Variants in UPF2 observed in about 807,000 individuals in gnomAD.
The protein encoded by UPF2 is regulator of nonsense transcripts 2.
A neutral mutation model predicts 141.4 loss-of-function variants in UPF2; 17 were observed. The ratio of observed to expected loss-of-function variants is 0.12; its 90% confidence interval spans 0.08 to 0.18. The LOEUF is 0.18. Among genes scored for constraint, UPF2 ranks in the 10% least tolerant of loss-of-function variants. The pLI, the probability that UPF2 is intolerant of heterozygous loss-of-function variation, is 1.00. For synonymous variants in UPF2, 540 were observed against 498.0 expected, an observed-to-expected ratio of 1.08 and a Z score of -1.12; for missense variants, 1,152 against 1,515.9, an observed-to-expected ratio of 0.76 and a Z score of 3.99.
At chr10:12,001,368 C>T (rs935781473) in intron 6 of UPF2, among the ~76,000 whole-genome samples, 2 of 151,822 alleles carry the variant, frequency 1.3e-5, no homozygotes, top group Non-Finnish European at 1.5e-5. Context: ...GAGCCAAGAT[C>T]GTACCATTGC....
At chr10:11,995,941 C>T (rs1227789997) in intron 8 of UPF2, among the ~76,000 whole-genome samples, 2 of 152,142 alleles carry the variant, frequency 1.3e-5, no homozygotes, top group Non-Finnish European at 2.9e-5. Flanking sequence ...ATTAAATGAC[C>T]CTTGTTCCAG....
Position 12,029,350 on chromosome 10 carries a change from A to C in UPF2, c.540T>G (p.Thr180=). The C allele has an allele frequency of 6.2e-7, 1 of 1,614,168 alleles. No individual in the cohort carries two copies. The highest frequency in any genetic ancestry group is 8.5e-7 in the Non-Finnish European group (1 of 1,180,030). The part of the protein sequence containing the change: ...KNTAFVKKLK[T]ITEQQRDSLS... The stretch of plus-strand genomic sequence containing the variant: ...AGGAGTCTCTCTGTTGTTCTGTAAT[A>C]GTTTTTAGTTTCTTGACAAAAGCAG... The change falls in exon 3 of 22, where the codon ACT becomes ACG. Residue 180 remains threonine (T), a synonymous_variant. Coordinates refer to ENST00000357604, the MANE Select transcript of UPF2 (RefSeq NM_015542.4).
chr10:11,985,001 C>G (rs987656705), intron 8 of UPF2, among the ~76,000 whole-genome samples: 1 of 152,216 alleles, frequency 6.6e-6, no homozygotes, highest in African/African-American at 2.4e-5. Context: ...GCGTGAGCCA[C>G]CGCGCCCGGT....
At chr10:11,933,827 T>A (rs751595429) in intron 19 of UPF2, among the ~76,000 whole-genome samples, 1 of 152,244 alleles carries the variant, frequency 6.6e-6, no homozygotes, top group Non-Finnish European at 1.5e-5. Context: ...AAAAACTCAT[T>A]ATTTACTGTT....
In UPF2 at chr10:11,967,421, T is replaced by G; in HGVS notation, c.1987A>C (p.Lys663Gln). Residue 663 changes from lysine (K) to glutamine (Q), a missense_variant, in exon 10 of 22, where the codon AAG becomes CAG. By Grantham distance (53) the Lys-to-Gln change is moderately conservative. Around this residue, in one of 4 missense-constraint regions of UPF2, gnomAD observed 739 missense variants for 1,032.2 expected, o/e 0.72. Coordinates refer to ENST00000357604, the MANE Select transcript of UPF2 (RefSeq NM_015542.4). ...RKKDQINIET[K>Q]NKTVRFIGEL... Reference sequence around the variant, plus strand: ...CCTATAAAACGAACAGTTTTATTCTTTGTTTCAATATTGATCTGGTCCTTT... The same window carrying G: ...CCTATAAAACGAACAGTTTTATTCTGTGTTTCAATATTGATCTGGTCCTTT... 6.3e-7 allele frequency: 1 copy of G among 1,585,992 alleles called. No individual in the cohort carries two copies. The highest frequency in any genetic ancestry group is 1.4e-5 in the African/African-American group (1 of 73,102).
rs1300798823 is a variant in UPF2 at position 11,953,041 on chromosome 10, T to C, written c.2851-792A>G. On this transcript the variant is annotated intron_variant, in intron 14 of 21. Transcript: ENST00000357604. This position sits in a 1 kb window ranked among gnomAD's most constrained non-coding sequence, Gnocchi z 5.0. ...TCACTAATCATCAACAAGCATTTAT[T>C]GAATATCTACTGTGTATATGGCATG... Among the ~76,000 whole-genome samples the C allele has an allele frequency of 6.6e-6, 1 of 152,232 alleles. No homozygotes were observed. The highest frequency in any genetic ancestry group is 1.9e-4 in the East Asian group (1 of 5,204).
In UPF2 at chr10:12,028,924, A is replaced by C; in HGVS notation, c.966T>G (p.Leu322=). 1 of 1,614,184 alleles carries C rather than the reference A, an allele frequency of 6.2e-7. No homozygotes were observed. The highest frequency in any genetic ancestry group is 8.5e-7 in the Non-Finnish European group (1 of 1,180,036). ...CAGCACTCTTTACTTTCCTTGGTAC[A>C]AGTCCAGCAATATCATCTCCACAAT... is the stretch of plus-strand genomic sequence containing the variant. The part of the protein sequence containing the change: ...CRHCGDDIAG[L]VPRKVKSAAE... Residue 322 remains leucine, a synonymous_variant, in exon 3 of 22, where the codon CTT becomes CTG. Transcript: ENST00000357604.
intron 4 of UPF2, among the ~76,000 whole-genome samples, chr10:12,006,195 G>C (rs953310241): frequency 6.6e-6 from 1 of 152,126 alleles, no homozygotes; most frequent in Non-Finnish European, 1.5e-5. Context: ...TTTCTTTTAT[G>C]CCATAAATGT....
intron 8 of UPF2, among the ~76,000 whole-genome samples, chr10:11,986,042 G>A (rs1833686212): frequency 2.0e-5 from 3 of 151,670 alleles, no homozygotes; most frequent in Admixed American, 6.6e-5. Flanking sequence ...CCGCCACCAA[G>A]CCCGGCTAAT....
At position 11,920,750 on chromosome 10, in the gene UPF2, T is replaced by G. The variant is rs1832631332; in HGVS notation, c.*548A>C. 1 of 254,680 alleles carries G rather than the reference T, an allele frequency of 3.9e-6. No individual in the cohort carries two copies. The highest frequency in any genetic ancestry group is 4.8e-5 in the Admixed American group (1 of 20,826). 15.8% of individuals were successfully genotyped at this position (254,680 alleles called of 1,614,324 possible). ...GCCTTCCTGGTGGATTATCTGGTAT[T>G]TGGATATCTTTCATCATTTTGTTGT... is the stretch of plus-strand genomic sequence containing the variant. On this transcript the variant is annotated 3_prime_UTR_variant, in exon 22 of 22. Coordinates refer to ENST00000357604, the MANE Select transcript of UPF2 (RefSeq NM_015542.4).
intron 8 of UPF2, 141 bp downstream of exon 8, chr10:11,997,531 C>G (rs1833883781): frequency 3.3e-6 from 2 of 606,876 alleles, no homozygotes; most frequent in Admixed American, 6.7e-5. Flanking sequence ...GAAACAAGTT[C>G]TAAAAAATAT....
chr10:11,957,387 C>T (rs535978633), intron 12 of UPF2, among the ~76,000 whole-genome samples: 64 of 152,022 alleles, frequency 4.2e-4, no homozygotes, highest in African/African-American at 1.4e-3. Context: ...CGAGACTCCA[C>T]CACTGCACTC....
rs777485740 is a variant in UPF2, at chr10:12,029,263, G to A, written c.627C>T (p.Ile209=). The A allele has an allele frequency of 2.8e-5, 45 of 1,614,160 alleles. No individual in the cohort carries two copies. Among genetic ancestry groups the A allele is most frequent in the Middle Eastern group, 3.3e-4 (2 of 6,062 alleles). Residue 209 remains isoleucine, a synonymous_variant, in exon 3 of 22, where the codon ATC becomes ATT. Transcript: ENST00000357604. ...SKYIAEAVAS[I]VEAKLKISDV... is the part of the protein sequence containing the mutation. ...CAGAGATTTTTAGTTTTGCTTCCACGATGGAAGCTACAGCTTCTGCAATGT... is the reference window on the plus strand; with the variant it reads ...CAGAGATTTTTAGTTTTGCTTCCACAATGGAAGCTACAGCTTCTGCAATGT...
rs1351634180 is a variant in UPF2 at position 11,935,319 on chromosome 10, C to T, written c.3546+1226G>A. ...GAGAGGAAGGACTCTGGCTAACTGC[C>T]TCTATATTCTGCACACAGAAGTGCC... On this transcript the variant is annotated intron_variant, in intron 19 of 21. Coordinates refer to ENST00000357604, the MANE Select transcript of UPF2 (RefSeq NM_015542.4). This position sits in a 1 kb window ranked among gnomAD's most constrained non-coding sequence, Gnocchi z 4.9. Among the ~76,000 whole-genome samples the T allele has an allele frequency of 6.6e-6, 1 of 152,136 alleles. No individual in the cohort carries two copies. The highest frequency in any genetic ancestry group is 1.5e-5 in the Non-Finnish European group (1 of 68,030).
intron 5 of UPF2, among the ~76,000 whole-genome samples, chr10:12,002,493 G>A (rs1833970342): frequency 6.6e-6 from 1 of 152,152 alleles, no homozygotes; most frequent in Non-Finnish European, 1.5e-5. Flanking sequence ...CCCAGATGAG[G>A]AGTTGAGACT....
chr10:11,986,268 T>C (rs753496017), intron 8 of UPF2, among the ~76,000 whole-genome samples: 5 of 152,182 alleles, frequency 3.3e-5, no homozygotes, highest in South Asian at 4.1e-4. Context: ...TGAATCACTT[T>C]AAAAGAATGC....
At chr10:11,937,804 T>C (rs565980187) in intron 18 of UPF2, among the ~76,000 whole-genome samples, 1 of 152,308 alleles carries the variant, frequency 6.6e-6, no homozygotes, top group South Asian at 2.1e-4. Flanking sequence ...AAAATCCTGT[T>C]TTATTGTTTC....
In UPF2 at chr10:11,992,566, T is replaced by C. The variant is rs1056226998; in HGVS notation, c.1844+5106A>G. Reference sequence around the variant, plus strand: ...CAAACCTTCCTAAAACCAAGAAACATACACTCATGCGTGCACACTAAATTA... The same window carrying C: ...CAAACCTTCCTAAAACCAAGAAACACACACTCATGCGTGCACACTAAATTA... On this transcript the variant is annotated intron_variant, in intron 8 of 21. Coordinates refer to ENST00000357604, the MANE Select transcript of UPF2 (RefSeq NM_015542.4). This position sits in a 1 kb window ranked among gnomAD's most constrained non-coding sequence, Gnocchi z 4.1. 3.3e-5 allele frequency among the ~76,000 whole-genome samples: 5 copies of C among 151,956 alleles called. No homozygotes were observed. The highest frequency in any genetic ancestry group is 1.2e-4 in the African/African-American group (5 of 41,382).
At chr10:11,989,315 A>G (rs1227047921) in intron 8 of UPF2, among the ~76,000 whole-genome samples, 1 of 152,234 alleles carries the variant, frequency 6.6e-6, no homozygotes, top group Non-Finnish European at 1.5e-5. Context: ...ATTGATTAAA[A>G]TCTATATAAA....
Sources: gnomAD v4.1 joint callset for allele counts (sites outside exome capture counted in the v4.1 genomes callset) on GRCh38, gnomAD v4.1.1 for gene constraint, gnomAD v4.1.1 regional missense constraint, Gnocchi (gnomAD v3.1) non-coding constraint, MANE v1.5 for transcripts, NCBI Gene and HGNC (gene_info 2026-07-23, HGNC 2026-07-21) for gene names.